KLHDC8B: variants seen among roughly 807,000 people sequenced by gnomAD.
The protein encoded by KLHDC8B is kelch domain-containing protein 8B.
Under a neutral mutation model 26.3 loss-of-function variants are expected in KLHDC8B, and 19 were observed. The ratio of observed to expected loss-of-function variants is 0.72; its 90% CI spans 0.50 to 1.06. The LOEUF is 1.06. KLHDC8B is among the 50% of genes least tolerant of loss of function. The pLI is 0.00. For missense variants in KLHDC8B, 411 were observed against 488.1 expected (o/e 0.84, Z 1.49); for synonymous variants, 150 against 188.4 (o/e 0.80, Z 1.67).
chr3:49,174,510 G>T (rs916196930), intron 3 of KLHDC8B, 107 bp downstream of exon 3: 2 of 1,323,806 alleles, frequency 1.5e-6, no homozygotes, highest in African/African-American at 2.9e-5. Context: ...CAAAACAAGA[G>T]AAGCTTTGTT....
chr3:49,176,309 T>C lies in KLHDC8B; in HGVS notation c.*508T>C. 6.3e-6 allele frequency: 1 copy of C among 157,758 alleles called. No homozygotes were observed. Among genetic ancestry groups the C allele is most frequent in the Non-Finnish European group, 1.4e-5 (1 of 71,852 alleles). The allele number at this position is 157,758 out of a possible 1,614,324, so 9.8% of individuals were successfully genotyped here. A position where few individuals can be genotyped will look rare whatever the true frequency, so the allele number is the denominator to read the frequency against. ...GAGTTCAAGTGGAGGAATGCTGGCT[T>C]TGAGCCCTCTACACTGCTGGTTGTA... On this transcript the variant is annotated 3_prime_UTR_variant, in exon 6 of 6. Coordinates refer to ENST00000332780, the MANE Select transcript of KLHDC8B (RefSeq NM_173546.3).
At chr3:49,174,151 A>C in intron 2 of KLHDC8B, 88 bp from the exon 3 acceptor site, 1 of 963,850 alleles carries the variant, frequency 1.0e-6, no homozygotes. Flanking sequence ...ATGGGTCTCC[A>C]GCCACCCCCA....
chr3:49,176,078 G>A lies in KLHDC8B; in HGVS notation c.*277G>A, dbSNP rs143176164. The A allele has an allele frequency of 2.5e-3, 1,105 of 437,402 alleles. 9 individuals are homozygous for A. The highest frequency in any genetic ancestry group is 0.02 in the African/African-American group (996 of 49,294). The allele number at this position is 437,402 out of a possible 1,614,324, so 27.1% of individuals were successfully genotyped here. A position where few individuals can be genotyped will look rare whatever the true frequency, so the allele number is the denominator to read the frequency against. ...ACCTACTAGGCCTTCCATCCAACTGGGAAATGGGGAGAAGCAAAGCTGGCC... is the reference window on the plus strand; with the variant it reads ...ACCTACTAGGCCTTCCATCCAACTGAGAAATGGGGAGAAGCAAAGCTGGCC... On this transcript the variant is annotated 3_prime_UTR_variant, in exon 6 of 6. Transcript: ENST00000332780.
At position 49,172,936 on chromosome 3, in the gene KLHDC8B, C is replaced by T. The variant is rs765576569; in HGVS notation, c.167C>T (p.Ser56Leu). 8 of 1,613,940 alleles carry T rather than the reference C, an allele frequency of 5.0e-6. No homozygotes were observed. The Middle Eastern group carries it at 4.9e-4, about 99-fold the overall frequency. Residue 56 changes from serine (S) to leucine (L), a missense_variant, in exon 2 of 6, where the codon TCG becomes TTG. By Grantham distance (145) the Ser-to-Leu change is moderately radical. Coordinates refer to ENST00000332780, the MANE Select transcript of KLHDC8B (RefSeq NM_173546.3). ...LDTAETLDMA[S>L]HTWLALAPLP... is the part of the protein sequence containing the mutation. ...ACTGCTGAGACACTGGACATGGCCT[C>T]GCACACATGGCTGGCACTGGCACCC... is the stretch of plus-strand genomic sequence containing the variant.
Position 49,174,817 on chromosome 3 carries a change from C to T in KLHDC8B, c.617C>T (p.Pro206Leu), listed in dbSNP as rs748634668. Residue 206 changes from proline to leucine, a missense_variant, in exon 4 of 6, where the codon CCA becomes CTA. Pro to Leu is a moderately conservative substitution (Grantham distance 98, BLOSUM62 -3). Transcript: ENST00000332780. ...GAGGCCCGTACATGGACCCGGCATC[C>T]AAGCCTACCCAGCCGTCGGGCCTTT... Reference protein sequence around the residue: ...DLEARTWTRHPSLPSRRAFAG... With the variant: ...DLEARTWTRHLSLPSRRAFAG... The T allele has an allele frequency of 1.2e-6, 2 of 1,614,078 alleles. No homozygotes were observed. The highest frequency in any genetic ancestry group is 1.7e-6 in the Non-Finnish European group (2 of 1,180,020).
At chr3:49,174,062 G>A (rs1351315585) in intron 2 of KLHDC8B, 177 bp from the exon 3 acceptor site, 3 of 505,468 alleles carry the variant, frequency 5.9e-6, no homozygotes, top group African/African-American at 5.9e-5. Flanking sequence ...CCTGGCCAGA[G>A]TAGGAATCCC....
chr3:49,175,174 A>G lies in KLHDC8B; in HGVS notation c.868+11A>G, dbSNP rs1007929701. The G allele has an allele frequency of 5.6e-6, 9 of 1,608,986 alleles. No homozygotes were observed. The highest frequency in any genetic ancestry group is 2.7e-5 in the African/African-American group (2 of 74,818). On this transcript the variant is annotated intron_variant, in intron 5 of 5. Coordinates refer to ENST00000332780, the MANE Select transcript of KLHDC8B (RefSeq NM_173546.3). ...CCATTGGGGGCCTTGGTAAGTCTCT[A>G]TGGGGCTGGGGAGAGGAGGGAGTCC...
At chr3:49,175,003 C>G (rs2045812353) in intron 4 of KLHDC8B, 37 bp downstream of exon 4, 3 of 1,613,778 alleles carry the variant, frequency 1.9e-6, no homozygotes, top group Non-Finnish European at 1.7e-6. Flanking sequence ...CTCCCGCTCT[C>G]TGTGGGATGG....
At position 49,175,695 on chromosome 3, in the gene KLHDC8B, G is replaced by C; in HGVS notation, c.959G>C (p.Cys320Ser). The change falls in exon 6 of 6, where the codon TGC becomes TCC. Residue 320 changes from cysteine to serine, a missense_variant. By Grantham distance (112) the Cys-to-Ser change is moderately radical. Transcript: ENST00000332780. ...TTGCCTGCCATGCCCACTGCCCGCT[G>C]CTCCTGCTCTAGTCTGCAGGCTGGG... The part of the protein sequence containing the change: ...EALPAMPTAR[C>S]SCSSLQAGPR... 6.2e-7 allele frequency: 1 copy of C among 1,613,668 alleles called. No homozygotes were observed. The highest frequency in any genetic ancestry group is 8.5e-7 in the Non-Finnish European group (1 of 1,179,830).
Position 49,175,809 on chromosome 3 carries a change from G to C in KLHDC8B, c.*8G>C. On this transcript the variant is annotated 3_prime_UTR_variant, in exon 6 of 6. Coordinates refer to ENST00000332780, the MANE Select transcript of KLHDC8B (RefSeq NM_173546.3). Reference sequence around the variant, plus strand: ...CTGCGTGATGGGGTCTGAAGGCTTGGTGGGAGCTGTCCACTGGAGCAGCTC... The same window carrying C: ...CTGCGTGATGGGGTCTGAAGGCTTGCTGGGAGCTGTCCACTGGAGCAGCTC... 6.2e-7 allele frequency: 1 copy of C among 1,613,752 alleles called. No homozygotes were observed. The highest frequency in any genetic ancestry group is 8.5e-7 in the Non-Finnish European group (1 of 1,179,866).
rs11713297 is a variant in KLHDC8B, at chr3:49,175,597, T to C, written c.869-8T>C. The C allele has an allele frequency of 0.1, 156,879 of 1,536,348 alleles. 8,458 individuals are homozygous for C. The highest frequency in any genetic ancestry group is 0.11 in the Non-Finnish European group (123,400 of 1,141,188). On this transcript the variant is annotated splice_region_variant and splice_polypyrimidine_tract_variant and intron_variant, in intron 5 of 5. Coordinates refer to ENST00000332780, the MANE Select transcript of KLHDC8B (RefSeq NM_173546.3). ...TGCCTCTCACAGCCTTCTCTCTCCT[T>C]CTTGCAGGAAACCAGCCATGTCCTT...
chr3:49,172,106 C>G (rs967177250), intron 1 of KLHDC8B, among the ~76,000 whole-genome samples: 1 of 152,114 alleles, frequency 6.6e-6, no homozygotes, highest in Non-Finnish European at 1.5e-5. Context: ...TGAAACACAC[C>G]CTGACTCTGG....
At position 49,173,064 on chromosome 3, in the gene KLHDC8B, G is replaced by T; in HGVS notation, c.295G>T (p.Ala99Ser). The change falls in exon 2 of 6, where the codon GCC becomes TCC. Residue 99 changes from alanine to serine, a missense_variant. Transcript: ENST00000332780. ...CCAGAGCCCGGTAGCTGCTGTAGAGGCCTTCCTGATGGATGAGGGCCGCTG... is the reference window on the plus strand; with the variant it reads ...CCAGAGCCCGGTAGCTGCTGTAGAGTCCTTCCTGATGGATGAGGGCCGCTG... Reference protein sequence around the residue: ...EVQSPVAAVEAFLMDEGRWER... With the variant: ...EVQSPVAAVESFLMDEGRWER... 1 of 1,606,012 alleles carries T rather than the reference G, an allele frequency of 6.2e-7. No homozygotes were observed. The highest frequency in any genetic ancestry group is 1.1e-5 in the South Asian group (1 of 90,022).
In KLHDC8B at chr3:49,174,811, G is replaced by A. The variant is rs139371579; in HGVS notation, c.611G>A (p.Arg204Gln). ...GATCTGGAGGCCCGTACATGGACCC[G>A]GCATCCAAGCCTACCCAGCCGTCGG... is the stretch of plus-strand genomic sequence containing the variant. ...AFDLEARTWT[R>Q]HPSLPSRRAF... is the part of the protein sequence containing the mutation. The change falls in exon 4 of 6, where the codon CGG becomes CAG. Residue 204 changes from arginine (R) to glutamine (Q), a missense_variant. Arg to Gln is a conservative substitution (Grantham distance 43). Coordinates refer to ENST00000332780, the MANE Select transcript of KLHDC8B (RefSeq NM_173546.3). 3.5e-5 allele frequency: 56 copies of A among 1,613,854 alleles called. No individual in the cohort carries two copies. Among genetic ancestry groups the A allele is most frequent in the African/African-American group, 5.3e-5 (4 of 74,924 alleles).
Position 49,175,062 on chromosome 3 carries a change from G to C in KLHDC8B, c.767G>C (p.Gly256Ala). The C allele has an allele frequency of 1.2e-6, 2 of 1,614,092 alleles. No individual in the cohort carries two copies. Among genetic ancestry groups the C allele is most frequent in the Non-Finnish European group, 1.7e-6 (2 of 1,180,002 alleles). Reference protein sequence around the residue: ...NTVEMFDLEHGSWTKLPRSLR... With the variant: ...NTVEMFDLEHASWTKLPRSLR... ...AGATCTGACCTCCCCTCTCCTGCAG[G>C]GTCCTGGACCAAATTGCCCCGCAGC... The change falls in exon 5 of 6, where the codon GGG becomes GCG. Residue 256 changes from glycine (G) to alanine (A), a missense_variant and splice_region_variant. Gly to Ala is a moderately conservative substitution (Grantham distance 60). Transcript: ENST00000332780.
intron 2 of KLHDC8B, 55 bp from the exon 3 acceptor site, chr3:49,174,184 G>C: frequency 5.6e-6 from 8 of 1,425,982 alleles, no homozygotes; most frequent in Non-Finnish European, 7.8e-6. Flanking sequence ...GCAGCTGTCA[G>C]GGTGGGGTAC....
intron 2 of KLHDC8B, among the ~76,000 whole-genome samples, chr3:49,173,834 G>T (rs2045792651): frequency 6.6e-6 from 1 of 152,056 alleles, no homozygotes; most frequent in South Asian, 2.1e-4. Flanking sequence ...CCCAGACTGA[G>T]CTCTGTGCTA....
chr3:49,175,001 C>G, intron 4 of KLHDC8B, 35 bp downstream of exon 4: 1 of 1,613,744 alleles, frequency 6.2e-7, no homozygotes. Context: ...TCCTCCCGCT[C>G]TCTGTGGGAT....
In KLHDC8B at chr3:49,175,079, C is replaced by A; in HGVS notation, c.784C>A (p.Pro262Thr). 1 of 1,614,108 alleles carries A rather than the reference C, an allele frequency of 6.2e-7. No homozygotes were observed. Among genetic ancestry groups the A allele is most frequent in the South Asian group, 1.1e-5 (1 of 91,090 alleles). ...DLEHGSWTKL[P>T]RSLRMRDKRA... ...TCCTGCAGGGTCCTGGACCAAATTGCCCCGCAGCCTGCGCATGAGGGATAA... is the reference window on the plus strand; with the variant it reads ...TCCTGCAGGGTCCTGGACCAAATTGACCCGCAGCCTGCGCATGAGGGATAA... The change falls in exon 5 of 6, where the codon CCC (proline) becomes ACC (threonine). Residue 262 changes from proline to threonine, a missense_variant. Physicochemically the swap from Pro to Thr is conservative, Grantham distance 38 (BLOSUM62 -1). Transcript: ENST00000332780.
Sources: gnomAD v4.1 joint callset for allele counts (sites outside exome capture counted in the v4.1 genomes callset) on GRCh38, gnomAD v4.1.1 for gene constraint, MANE v1.5 for transcripts, NCBI Gene and HGNC (gene_info 2026-07-23, HGNC 2026-07-21) for gene names.